The following HIVEP3 variants were observed in gnomAD, a reference collection of about 807,000 sequenced individuals.
HIVEP3 encodes the protein transcription factor HIVEP3.
Under a neutral mutation model 152.8 loss-of-function variants are expected in HIVEP3, and 49 were observed. That is an observed-to-expected ratio of 0.32 (90% CI 0.26 to 0.41). The LOEUF is 0.41. Ranked by LOEUF, HIVEP3 falls within the 10% of genes least tolerant of loss-of-function variation. The pLI is 1.00. For missense variants in HIVEP3, 2,790 were observed against 3,103.3 expected, an observed-to-expected ratio of 0.90 and a Z score of 2.40; for synonymous variants, 1,269 against 1,289.0, an observed-to-expected ratio of 0.98 and a Z score of 0.33.
At chr1:41,916,466 C>A (rs537955512) in intron 1 of HIVEP3, among the ~76,000 whole-genome samples, 1 of 152,280 alleles carries the variant, frequency 6.6e-6, no homozygotes, top group Non-Finnish European at 1.5e-5. Context: ...GTTAACAATT[C>A]TGTATCCTGT....
chr1:41,891,429 G>A (rs1644444862), intron 1 of HIVEP3, among the ~76,000 whole-genome samples: 1 of 152,182 alleles, frequency 6.6e-6, no homozygotes, highest in African/African-American at 2.4e-5. Flanking sequence ...TCCTGACAAT[G>A]AAGTGGTGGT....
exon 1 of HIVEP3, chr1:42,035,899 T>C (rs1026332941): frequency 2.7e-5 from 4 of 150,106 alleles, no homozygotes; most frequent in African/African-American, 9.7e-5. Context: ...GGCCACGGCA[T>C]GCGAGGAGCC....
chr1:41,756,439 C>G (rs7554758), intron 1 of HIVEP3, among the ~76,000 whole-genome samples: 126,697 of 152,098 alleles, frequency 0.83, 55,686 homozygotes, highest in Non-Finnish European at 0.98. Flanking sequence ...ATCAAAACCA[C>G]GGATTGATTC....
At chr1:41,868,064 T>C (rs556976478) in intron 1 of HIVEP3, among the ~76,000 whole-genome samples, 88 of 152,204 alleles carry the variant, frequency 5.8e-4, no homozygotes, top group Admixed American at 1.1e-3. Context: ...CTGGCCCGCA[T>C]GGCCACCTGG....
intron 1 of HIVEP3, among the ~76,000 whole-genome samples, chr1:41,870,270 G>T (rs927481773): frequency 1.3e-5 from 2 of 152,128 alleles, no homozygotes; most frequent in African/African-American, 4.8e-5. Context: ...ACTAGATTGG[G>T]TGACTCATTC....
intron 1 of HIVEP3, among the ~76,000 whole-genome samples, chr1:41,957,954 T>A (rs930084914): frequency 6.6e-6 from 1 of 152,190 alleles, no homozygotes. Flanking sequence ...CTTCTATTCA[T>A]AGATATCCTG....
At chr1:41,949,754 G>T (rs932487830) in intron 1 of HIVEP3, among the ~76,000 whole-genome samples, 5 of 152,134 alleles carry the variant, frequency 3.3e-5, no homozygotes, top group African/African-American at 1.2e-4. Context: ...AATCGAAGCT[G>T]TGAAGCTACA....
At chr1:41,737,771 G>A (rs1325946371) in intron 1 of HIVEP3, among the ~76,000 whole-genome samples, 1 of 152,186 alleles carries the variant, frequency 6.6e-6, no homozygotes, top group Non-Finnish European at 1.5e-5. Flanking sequence ...AGGCCTTGGT[G>A]ATGATGAGGA....
At chr1:41,785,329 G>C (rs1276883655) in intron 1 of HIVEP3, among the ~76,000 whole-genome samples, 3 of 152,170 alleles carry the variant, frequency 2.0e-5, no homozygotes, top group Non-Finnish European at 4.4e-5. Context: ...AACCAACTGA[G>C]TAGGCAGAGA....
chr1:41,693,545 G>T (rs1646228060), intron 2 of HIVEP3, among the ~76,000 whole-genome samples: 1 of 152,132 alleles, frequency 6.6e-6, no homozygotes, highest in African/African-American at 2.4e-5. Flanking sequence ...AGCTCTTTGG[G>T]TATTAGTGCT....
chr1:41,910,731 A>G (rs1490266927), intron 1 of HIVEP3, among the ~76,000 whole-genome samples: 3 of 152,006 alleles, frequency 2.0e-5, no homozygotes, highest in African/African-American at 7.2e-5. Flanking sequence ...TAACAAATTA[A>G]AGAAAAAAAT....
intron 2 of HIVEP3, among the ~76,000 whole-genome samples, chr1:41,669,806 C>T (rs906312172): frequency 2.6e-5 from 4 of 152,184 alleles, no homozygotes; most frequent in African/African-American, 9.7e-5. Flanking sequence ...TTCTCAGCCC[C>T]CATAAGCACA....
In HIVEP3 at chr1:41,585,110, G is replaced by A; in HGVS notation, c.-313C>T. On this transcript the variant is annotated 5_prime_UTR_variant, in exon 4 of 9. An upstream open reading frame in the 5' UTR gains an earlier in-frame stop. Coordinates refer to ENST00000372583, the MANE Select transcript of HIVEP3 (RefSeq NM_024503.5). ...CATGAAGGATGTCAGTATTGCCATT[G>A]TATTGTTTCAGCTGGCAGTGGCAGG... The A allele has an allele frequency of 2.5e-6, 1 of 400,658 alleles. No individual in the cohort carries two copies. Among genetic ancestry groups the A allele is most frequent in the East Asian group, 3.6e-5 (1 of 28,100 alleles). The allele number at this position is 400,658 out of a possible 1,614,324, so 24.8% of individuals were successfully genotyped here.
At chr1:41,888,343 C>T (rs549636782) in intron 1 of HIVEP3, among the ~76,000 whole-genome samples, 89 of 151,752 alleles carry the variant, frequency 5.9e-4, no homozygotes, top group South Asian at 1.7e-3. Context: ...TGAGCCACCA[C>T]GCCCGGCCTA....
chr1:41,941,831 C>A (rs560554696), intron 1 of HIVEP3, among the ~76,000 whole-genome samples: 4 of 152,238 alleles, frequency 2.6e-5, no homozygotes, highest in African/African-American at 7.2e-5. Flanking sequence ...AGGGCTGGGG[C>A]CTGAACTTCT....
intron 1 of HIVEP3, among the ~76,000 whole-genome samples, chr1:41,886,919 T>C (rs1464089389): frequency 6.6e-6 from 1 of 152,124 alleles, no homozygotes; most frequent in Non-Finnish European, 1.5e-5. Flanking sequence ...GTTATAAATA[T>C]ACCAGACATT....
intron 5 of HIVEP3, among the ~76,000 whole-genome samples, chr1:41,537,305 TTTA>T (rs1643425296): frequency 1.3e-5 from 2 of 152,270 alleles, no homozygotes; most frequent in Non-Finnish European, 1.5e-5. Flanking sequence ...CATTTCTGAT[TTTA>T]TTATGATCTG....
intron 1 of HIVEP3, among the ~76,000 whole-genome samples, chr1:41,924,605 C>T (rs1261276049): frequency 6.8e-6 from 1 of 147,166 alleles, no homozygotes. Flanking sequence ...CTAACACTGA[C>T]TTTTTCTCAT....
chr1:41,792,489 C>T (rs973231838), intron 1 of HIVEP3, among the ~76,000 whole-genome samples: 2 of 152,226 alleles, frequency 1.3e-5, no homozygotes, highest in African/African-American at 4.8e-5. Flanking sequence ...GCTTCCCTTC[C>T]CCTGCCATAC....
Sources: gnomAD v4.1 joint callset for allele counts (sites outside exome capture counted in the v4.1 genomes callset) on GRCh38, gnomAD v4.1.1 for gene constraint, MANE v1.5 for transcripts, NCBI Gene and HGNC (gene_info 2026-07-23, HGNC 2026-07-21) for gene names.